The following SLC9A9 variants were observed in gnomAD, a reference collection of about 807,000 sequenced individuals.
SLC9A9 encodes the protein sodium/hydrogen exchanger 9.
In SLC9A9, 62 loss-of-function variants were observed where a neutral mutation model predicts 77.8. The ratio of observed to expected loss-of-function variants is 0.80; its 90% confidence interval spans 0.65 to 0.98. The LOEUF is 0.98. SLC9A9 is among the 50% of genes least tolerant of loss of function. The probability of loss-of-function intolerance (pLI) is 0.00; values close to 1 mark genes in which losing one functional copy is unlikely to be tolerated. For synonymous variants in SLC9A9, 320 were observed against 283.5 expected, an observed-to-expected ratio of 1.13 and a Z score of -1.29; for missense variants, 775 against 774.9, an observed-to-expected ratio of 1.00 and a Z score of 0.00.
intron 2 of SLC9A9, among the ~76,000 whole-genome samples, chr3:143,806,738 G>C (rs1023785663): frequency 4.1e-5 from 4 of 98,142 alleles, no homozygotes; most frequent in Non-Finnish European, 6.8e-5. Flanking sequence ...ATGTGGTGGT[G>C]GGGGGGGCAA....
chr3:143,473,862 T>A (rs1181331875), intron 11 of SLC9A9, among the ~76,000 whole-genome samples: 1 of 152,224 alleles, frequency 6.6e-6, no homozygotes, highest in African/African-American at 2.4e-5. Context: ...GGGATGGTGA[T>A]ATTCATATAT....
intron 12 of SLC9A9, among the ~76,000 whole-genome samples, chr3:143,427,008 C>T (rs1039405733): frequency 1.1e-4 from 16 of 152,198 alleles, no homozygotes; most frequent in Admixed American, 9.8e-4. Context: ...CTGGTATCTA[C>T]AAGGCATTAT....
At chr3:143,517,337 G>A (rs952823734) in intron 9 of SLC9A9, 12 of 1,257,718 alleles carry the variant, frequency 9.5e-6, no homozygotes, top group Non-Finnish European at 1.4e-5. Context: ...TCCCATTCCA[G>A]GCATTCCTCC....
chr3:143,387,920 A>G (rs1412785225), intron 12 of SLC9A9, among the ~76,000 whole-genome samples: 1 of 152,214 alleles, frequency 6.6e-6, no homozygotes, highest in Non-Finnish European at 1.5e-5. Context: ...AAAGGCACTG[A>G]AATACTACTA....
At chr3:143,514,860 G>C (rs1283610391) in intron 9 of SLC9A9, among the ~76,000 whole-genome samples, 1 of 151,816 alleles carries the variant, frequency 6.6e-6, no homozygotes, top group Non-Finnish European at 1.5e-5. Context: ...GCTTTTTTTT[G>C]TTATCATTTG....
At chr3:143,317,488 A>G (rs1025819032) in intron 14 of SLC9A9, among the ~76,000 whole-genome samples, 2 of 152,204 alleles carry the variant, frequency 1.3e-5, no homozygotes, top group Non-Finnish European at 2.9e-5. Flanking sequence ...CCACAGCAGC[A>G]GGAGGGTGTG....
chr3:143,618,299 T>C (rs998124971), intron 6 of SLC9A9, among the ~76,000 whole-genome samples: 2 of 152,138 alleles, frequency 1.3e-5, no homozygotes, highest in Non-Finnish European at 2.9e-5. Flanking sequence ...ATTGGGAGCT[T>C]TGGAGATCAG....
At chr3:143,405,951 T>C (rs2033968020) in intron 12 of SLC9A9, among the ~76,000 whole-genome samples, 2 of 152,238 alleles carry the variant, frequency 1.3e-5, no homozygotes, top group Admixed American at 6.5e-5. Context: ...ATTTTATAAT[T>C]TTCACTGGTT....
intron 6 of SLC9A9, among the ~76,000 whole-genome samples, chr3:143,580,036 T>C (rs896625936): frequency 2.0e-5 from 3 of 152,212 alleles, no homozygotes; most frequent in African/African-American, 7.2e-5. Flanking sequence ...AGCCTTGAAA[T>C]GTATGCGAGA....
At chr3:143,566,323 C>T (rs75527175) in intron 8 of SLC9A9, among the ~76,000 whole-genome samples, 2,429 of 152,230 alleles carry the variant, frequency 0.016, 66 homozygotes, top group African/African-American at 0.056. Context: ...AATAGGAGAA[C>T]AGGCTTAGGG....
At chr3:143,562,395 A>G (rs2037102381) in intron 8 of SLC9A9, among the ~76,000 whole-genome samples, 1 of 152,154 alleles carries the variant, frequency 6.6e-6, no homozygotes, top group Admixed American at 6.6e-5. Context: ...CAGTAAGAGC[A>G]AAGGGAGAGA....
chr3:143,440,604 G>A (rs1024497706), intron 12 of SLC9A9, among the ~76,000 whole-genome samples: 3 of 152,108 alleles, frequency 2.0e-5, no homozygotes, highest in Admixed American at 1.3e-4. Flanking sequence ...GTATCCCACC[G>A]GGTAAATGAA....
intron 8 of SLC9A9, among the ~76,000 whole-genome samples, chr3:143,566,388 G>C (rs1383335394): frequency 1.3e-5 from 2 of 152,162 alleles, no homozygotes; most frequent in Non-Finnish European, 2.9e-5. Context: ...TGCATGTGCT[G>C]AGCACTTCTT....
At chr3:143,548,112 T>C (rs972284940) in intron 9 of SLC9A9, among the ~76,000 whole-genome samples, 5 of 152,244 alleles carry the variant, frequency 3.3e-5, no homozygotes, top group African/African-American at 1.2e-4. Flanking sequence ...TCATTTCATC[T>C]ACCCATGTGT....
chr3:143,506,380 T>G (rs996200414), intron 9 of SLC9A9, among the ~76,000 whole-genome samples: 15 of 152,240 alleles, frequency 9.9e-5, no homozygotes, highest in Non-Finnish European at 2.1e-4. Context: ...CCTATATAAC[T>G]GTTAGAAATC....
At chr3:143,475,041 C>T (rs547667220) in intron 11 of SLC9A9, among the ~76,000 whole-genome samples, 171 of 151,498 alleles carry the variant, frequency 1.1e-3, no homozygotes, top group African/African-American at 4.0e-3. Flanking sequence ...TCACTGTAAC[C>T]TCCGCCTCCT....
At chr3:143,757,937 G>A (rs75112285) in intron 4 of SLC9A9, among the ~76,000 whole-genome samples, 3,215 of 152,152 alleles carry the variant, frequency 0.021, 105 homozygotes, top group African/African-American at 0.073. Flanking sequence ...GGAAACAGCC[G>A]GAAAAGTATG....
chr3:143,309,501 C>T (rs570195248), intron 14 of SLC9A9, among the ~76,000 whole-genome samples: 3 of 151,478 alleles, frequency 2.0e-5, no homozygotes, highest in South Asian at 4.2e-4. Context: ...CCCTGGACAC[C>T]TGACTCAGGC....
chr3:143,592,816 G>A (rs1347905954), intron 6 of SLC9A9, among the ~76,000 whole-genome samples: 9 of 152,144 alleles, frequency 5.9e-5, no homozygotes, highest in Non-Finnish European at 7.3e-5. Flanking sequence ...AGGTCAACCA[G>A]AATGTGTGAA....
Sources: gnomAD v4.1 joint callset for allele counts (sites outside exome capture counted in the v4.1 genomes callset) on GRCh38, gnomAD v4.1.1 for gene constraint, MANE v1.5 for transcripts, NCBI Gene and HGNC (gene_info 2026-07-23, HGNC 2026-07-21) for gene names.